TMEM117: variants seen among roughly 807,000 people sequenced by gnomAD.
The protein encoded by TMEM117 is transmembrane protein 117.
Under a neutral mutation model 52.4 loss-of-function variants are expected in TMEM117, and 27 were observed. That is an observed-to-expected ratio of 0.51 (90% CI 0.38 to 0.71). The LOEUF is 0.71. TMEM117 is among the 30% of genes least tolerant of loss of function. The pLI is 0.00. For synonymous variants in TMEM117, 215 were observed against 206.3 expected (o/e 1.04, Z -0.36); for missense variants, 556 against 630.5 (o/e 0.88, Z 1.26).
At chr12:43,795,951 A>T in the TMEM117 span, among the ~76,000 whole-genome samples, 1 of 152,158 alleles carries the variant, frequency 6.6e-6, no homozygotes, top group Non-Finnish European at 1.5e-5. Flanking sequence ...AGCTACATTC[A>T]CTTCCTTCTT....
chr12:44,244,098 T>TATATG (rs1950099203), intron 5 of TMEM117, among the ~76,000 whole-genome samples: 1 of 152,018 alleles, frequency 6.6e-6, no homozygotes, highest in African/African-American at 2.4e-5. Context: ...GAGTGACATA[T>TATATG]ACCTTTGACA....
At chr12:43,889,214 C>T (rs1333593412) in intron 2 of TMEM117, among the ~76,000 whole-genome samples, 1 of 151,974 alleles carries the variant, frequency 6.6e-6, no homozygotes, top group Non-Finnish European at 1.5e-5. Context: ...TCATGAGTAG[C>T]TGGGATTACA....
At chr12:44,092,135 A>C (rs1434900650) in intron 3 of TMEM117, among the ~76,000 whole-genome samples, 1 of 152,232 alleles carries the variant, frequency 6.6e-6, no homozygotes, top group Admixed American at 6.5e-5. Context: ...ATAGTGAAGA[A>C]TCCGATATGT....
chr12:44,275,035 G>A (rs1950495480), intron 5 of TMEM117, among the ~76,000 whole-genome samples: 1 of 152,000 alleles, frequency 6.6e-6, no homozygotes, highest in African/African-American at 2.4e-5. Context: ...GGGAGGAAAT[G>A]TTTACAAACT....
chr12:43,916,771 A>G (rs1354776236), intron 2 of TMEM117, among the ~76,000 whole-genome samples: 3 of 152,162 alleles, frequency 2.0e-5, no homozygotes, highest in African/African-American at 4.8e-5. Context: ...AAGTTTTCCT[A>G]CTTCATCCTA....
rs772754829 is a variant in TMEM117 at position 43,891,367 on chromosome 12, ATTTT to A, written c.277+46459_277+46462del. Among the ~76,000 whole-genome samples, 41 of 57,800 alleles carry A rather than the reference ATTTT, an allele frequency of 7.1e-4. 1 individual carries two copies. In the South Asian group the frequency reaches 0.021, roughly 29 times the overall value. 37.9% of individuals were successfully genotyped at this position (57,800 alleles called of 152,430 possible). Reference sequence around the variant, plus strand: ...ATTTCTTTTGGGAAATACCTCTTGAATTTTTTTTTTTTTTTTTTTTTTTGAGATG... The same window carrying A: ...ATTTCTTTTGGGAAATACCTCTTGAATTTTTTTTTTTTTTTTTTTGAGATG... On this transcript the variant is annotated intron_variant, in intron 2 of 7. Coordinates refer to ENST00000266534, the MANE Select transcript of TMEM117 (RefSeq NM_032256.3).
chr12:44,331,205 TTC>T (rs1951266210), intron 6 of TMEM117, among the ~76,000 whole-genome samples: 1 of 151,934 alleles, frequency 6.6e-6, no homozygotes. Flanking sequence ...AAATCTTTTT[TTC>T]TCTTTTTTTT....
At chr12:44,055,940 T>G (rs758997637) in intron 3 of TMEM117, among the ~76,000 whole-genome samples, 1 of 152,186 alleles carries the variant, frequency 6.6e-6, no homozygotes. Context: ...TTTTCAGCTT[T>G]TTATTCTTTT....
chr12:44,244,832 G>A (rs1950108981), intron 5 of TMEM117, among the ~76,000 whole-genome samples: 1 of 151,856 alleles, frequency 6.6e-6, no homozygotes, highest in African/African-American at 2.4e-5. Context: ...TCAGGTCTTA[G>A]GTTTAAGTCT....
intron 3 of TMEM117, among the ~76,000 whole-genome samples, chr12:44,090,842 TTTTTTTG>T (rs1265459436): frequency 8.4e-6 from 1 of 119,152 alleles, no homozygotes; most frequent in African/African-American, 3.6e-5. Context: ...TTTATGTGTT[TTTTTTTG>T]TTTTTTTTTT....
At chr12:44,253,495 T>A (rs1214453796) in intron 5 of TMEM117, among the ~76,000 whole-genome samples, 1 of 152,006 alleles carries the variant, frequency 6.6e-6, no homozygotes. Context: ...CTCCCCAAAT[T>A]GAAAGCCACA....
chr12:44,187,857 A>G (rs1415665638), intron 4 of TMEM117, among the ~76,000 whole-genome samples: 1 of 152,118 alleles, frequency 6.6e-6, no homozygotes, highest in Non-Finnish European at 1.5e-5. Context: ...GCTGCCACCA[A>G]TGATTTACTT....
At chr12:43,866,697 T>A (rs768527340) in intron 2 of TMEM117, among the ~76,000 whole-genome samples, 1 of 152,214 alleles carries the variant, frequency 6.6e-6, no homozygotes, top group Non-Finnish European at 1.5e-5. Flanking sequence ...AGTGAAACCA[T>A]ATAGAAATAT....
In TMEM117 at chr12:44,383,740, T is replaced by G. The variant is rs1214411369; in HGVS notation, c.899-4286T>G. 3.9e-5 allele frequency among the ~76,000 whole-genome samples: 6 copies of G among 152,326 alleles called. No homozygotes were observed. In the East Asian group the frequency reaches 1.2e-3, roughly 29 times the overall value. On this transcript the variant is annotated intron_variant, in intron 7 of 7. Coordinates refer to ENST00000266534, the MANE Select transcript of TMEM117 (RefSeq NM_032256.3). ...AACAACACACTTGGGAAAATGGCTA[T>G]AGAAGCACTTTCTATTCTGTTCTTT...
chr12:44,376,787 G>C (rs1951948266), intron 7 of TMEM117, 63 bp downstream of exon 7: 3 of 1,490,098 alleles, frequency 2.0e-6, no homozygotes, highest in Non-Finnish European at 2.7e-6. Context: ...AATGCTAGTT[G>C]CTGTAAAAAG....
chr12:44,170,805 T>G (rs1421405209), intron 4 of TMEM117, among the ~76,000 whole-genome samples: 1 of 152,184 alleles, frequency 6.6e-6, no homozygotes, highest in Non-Finnish European at 1.5e-5. Context: ...GCAAAAATGA[T>G]GCGGAGTACC....
chr12:43,892,888 A>G (rs980848705), intron 2 of TMEM117, among the ~76,000 whole-genome samples: 1 of 152,226 alleles, frequency 6.6e-6, no homozygotes, highest in African/African-American at 2.4e-5. Context: ...GGTAGGCACT[A>G]TTTTAGATAA....
intron 3 of TMEM117, among the ~76,000 whole-genome samples, chr12:44,127,551 C>T (rs539264422): frequency 6.6e-6 from 1 of 151,972 alleles, no homozygotes; most frequent in African/African-American, 2.4e-5. Context: ...TGGTGCATGC[C>T]TATAATCCCA....
intron 3 of TMEM117, among the ~76,000 whole-genome samples, chr12:43,994,390 A>G (rs966197452): frequency 1.3e-5 from 2 of 152,208 alleles, no homozygotes; most frequent in Admixed American, 6.5e-5. Context: ...TTATATTCCT[A>G]TCTCTCATTA....
Sources: allele counts gnomAD v4.1 joint callset (sites outside exome capture counted in the v4.1 genomes callset), GRCh38; gene constraint gnomAD v4.1.1; transcripts MANE v1.5; gene names NCBI Gene and HGNC (gene_info 2026-07-23, HGNC 2026-07-21).